The following ZFYVE1 variants were observed in gnomAD, a reference collection of about 807,000 sequenced individuals.
ZFYVE1 encodes zinc finger FYVE domain-containing protein 1.
In ZFYVE1, 30 loss-of-function variants were observed where a neutral mutation model predicts 74.4. The ratio of observed to expected loss-of-function variants is 0.40; its 90% CI spans 0.30 to 0.55. The LOEUF (loss-of-function observed/expected upper bound fraction) is 0.55, where lower values mean the gene tolerates loss of function less well. Among genes scored for constraint, ZFYVE1 ranks in the 20% least tolerant of loss-of-function variants. The pLI is 0.42. For synonymous variants in ZFYVE1, 335 were observed against 385.1 expected (o/e 0.87, Z 1.52); for missense variants, 703 against 1,011.6 (o/e 0.69, Z 4.14).
At chr14:73,023,910 T>C in intron 2 of ZFYVE1, 116 bp downstream of exon 2, 1 of 1,415,132 alleles carries the variant, frequency 7.1e-7, no homozygotes, top group East Asian at 2.3e-5. Flanking sequence ...CCTCCAGAGG[T>C]CTTGCCTTTT....
chr14:73,011,640 C>A (rs1375020923), intron 2 of ZFYVE1, among the ~76,000 whole-genome samples: 4 of 151,466 alleles, frequency 2.6e-5, no homozygotes, highest in African/African-American at 9.7e-5. Context: ...GTGCCTCAGC[C>A]TTCCATGTAG....
At chr14:72,973,318 G>A (rs919335605) in intron 11 of ZFYVE1, among the ~76,000 whole-genome samples, 5 of 151,900 alleles carry the variant, frequency 3.3e-5, no homozygotes, top group African/African-American at 1.2e-4. Context: ...GTGAAACCCC[G>A]TCTCTACTAA....
chr14:72,993,818 T>C (rs1334642940), intron 3 of ZFYVE1, among the ~76,000 whole-genome samples: 1 of 150,290 alleles, frequency 6.7e-6, no homozygotes, highest in Non-Finnish European at 1.5e-5. Context: ...GGTCAAGAGA[T>C]GGAGACCATC....
chr14:72,978,270 T>A, intron 6 of ZFYVE1, 36 bp from the exon 7 acceptor site: 1 of 1,602,624 alleles, frequency 6.2e-7, no homozygotes, highest in Non-Finnish European at 8.5e-7. Flanking sequence ...TTATTGTTTG[T>A]TTTTTGTTTG....
At chr14:72,980,534 TTA>T (rs201593454) in intron 5 of ZFYVE1, among the ~76,000 whole-genome samples, 27,932 of 113,730 alleles carry the variant, frequency 0.25, 3,213 homozygotes, top group Non-Finnish European at 0.35. Context: ...TGAGAATTAA[TTA>T]ATTTATTTAT....
chr14:73,017,699 T>C (rs1347698023), intron 2 of ZFYVE1, among the ~76,000 whole-genome samples: 1 of 152,116 alleles, frequency 6.6e-6, no homozygotes, highest in Non-Finnish European at 1.5e-5. Flanking sequence ...AATTCATCAA[T>C]GTCTCTCCAT....
At chr14:73,011,975 G>A (rs1355764194) in intron 2 of ZFYVE1, among the ~76,000 whole-genome samples, 1 of 151,746 alleles carries the variant, frequency 6.6e-6, no homozygotes, top group African/African-American at 2.4e-5. Flanking sequence ...CAGCTCTTTG[G>A]GAGGCCGAGG....
At chr14:72,978,752 A>G (rs1230514491) in intron 6 of ZFYVE1, 109 bp downstream of exon 6, 5 of 844,946 alleles carry the variant, frequency 5.9e-6, no homozygotes, top group East Asian at 4.9e-5. Flanking sequence ...TTCAATTTGA[A>G]TATCAAATAC....
At chr14:72,993,401 T>TAAA in intron 3 of ZFYVE1, 44 bp from the exon 4 acceptor site, 28 of 1,226,076 alleles carry the variant, frequency 2.3e-5, no homozygotes, top group Admixed American at 5.2e-5. Context: ...GAGTGACATT[T>TAAA]AAAAAAAAAA....
In ZFYVE1 at chr14:72,973,055, A is replaced by C. The variant is rs138407143; in HGVS notation, c.2101+1025T>G. Among the ~76,000 whole-genome samples the C allele has an allele frequency of 4.9e-3, 747 of 152,254 alleles. 2 individuals are homozygous for C. The highest frequency in any genetic ancestry group is 0.017 in the African/African-American group (726 of 41,536). ...ACAGTTTGGCTGGTGTGACAGACTAAAGACAGCCATAGAATCTTTCACCCA... is the reference window on the plus strand; with the variant it reads ...ACAGTTTGGCTGGTGTGACAGACTACAGACAGCCATAGAATCTTTCACCCA... On this transcript the variant is annotated intron_variant, in intron 11 of 11. Transcript: ENST00000556143.
intron 1 of ZFYVE1, among the ~76,000 whole-genome samples, chr14:73,026,698 C>A (rs1399025123): frequency 6.6e-6 from 1 of 152,082 alleles, no homozygotes; most frequent in African/African-American, 2.4e-5. Context: ...ACCGCCACAA[C>A]CCGAGGGGCA....
At position 72,975,829 on chromosome 14, in the gene ZFYVE1, C is replaced by A. The variant is rs1253954113; in HGVS notation, c.1636-108G>T. 2 of 1,309,852 alleles carry A rather than the reference C, an allele frequency of 1.5e-6. No individual in the cohort carries two copies. Among genetic ancestry groups the A allele is most frequent in the East Asian group, 2.3e-5 (1 of 42,714 alleles). The allele number at this position is 1,309,852 out of a possible 1,614,324, so 81.1% of individuals were successfully genotyped here. Reference sequence around the variant, plus strand: ...ACTCACCGTGGCCAACTCAGAACCACTAACTCCCTGGCAGGGAAGAACGGA... The same window carrying A: ...ACTCACCGTGGCCAACTCAGAACCAATAACTCCCTGGCAGGGAAGAACGGA... On this transcript the variant is annotated intron_variant, in intron 8 of 11. Coordinates refer to ENST00000556143, the MANE Select transcript of ZFYVE1 (RefSeq NM_021260.4). This position sits in a 1 kb window ranked among gnomAD's most constrained non-coding sequence, Gnocchi z 4.1.
chr14:72,997,150 A>T (rs1382309683), intron 3 of ZFYVE1, among the ~76,000 whole-genome samples: 1 of 152,168 alleles, frequency 6.6e-6, no homozygotes, highest in African/African-American at 2.4e-5. Context: ...CCACTCATGC[A>T]TCACTCCAAC....
intron 4 of ZFYVE1, among the ~76,000 whole-genome samples, chr14:72,986,596 C>T (rs1415913627): frequency 6.9e-6 from 1 of 145,918 alleles, no homozygotes; most frequent in African/African-American, 2.5e-5. Flanking sequence ...GAGTCTCGCT[C>T]TATCACCCAG....
chr14:72,974,737 G>A (rs1893121405), intron 10 of ZFYVE1, 42 bp downstream of exon 10: 1 of 1,560,940 alleles, frequency 6.4e-7, no homozygotes, highest in East Asian at 2.3e-5. Context: ...CAATGTGGGA[G>A]GTTCTCCCCT....
intron 2 of ZFYVE1, among the ~76,000 whole-genome samples, chr14:73,018,656 T>G: frequency 6.6e-6 from 1 of 152,012 alleles, no homozygotes. Context: ...AGAAAGTGCC[T>G]GGCACGGCTG....
chr14:73,002,803 G>A (rs796796064), intron 2 of ZFYVE1, among the ~76,000 whole-genome samples: 63 of 146,176 alleles, frequency 4.3e-4, no homozygotes, highest in African/African-American at 1.4e-3. Context: ...GTGCAGTGGC[G>A]CAATCTCAGC....
At chr14:73,013,871 C>G (rs562232956) in intron 2 of ZFYVE1, among the ~76,000 whole-genome samples, 1 of 152,120 alleles carries the variant, frequency 6.6e-6, no homozygotes, top group African/African-American at 2.4e-5. Context: ...GAGCTCCTCC[C>G]GAAGTAGGGA....
At chr14:73,005,740 C>G (rs1286847701) in intron 2 of ZFYVE1, among the ~76,000 whole-genome samples, 1 of 152,168 alleles carries the variant, frequency 6.6e-6, no homozygotes, top group Admixed American at 6.5e-5. Context: ...ATACGTGAAC[C>G]ATTATTAAAG....
Sources: allele counts gnomAD v4.1 joint callset (sites outside exome capture counted in the v4.1 genomes callset), GRCh38; gene constraint gnomAD v4.1.1; non-coding constraint Gnocchi (gnomAD v3.1); transcripts MANE v1.5; gene names NCBI Gene and HGNC (gene_info 2026-07-23, HGNC 2026-07-21).